The following ENPP2 variants were observed in gnomAD, a reference collection of about 807,000 sequenced individuals.
ENPP2 encodes the protein ectonucleotide pyrophosphatase/phosphodiesterase 2, also known as autotaxin.
In ENPP2, 51 loss-of-function variants were observed where a neutral mutation model predicts 120.2. That is an observed-to-expected ratio of 0.42 (90% CI 0.34 to 0.54). The LOEUF is 0.54. Among genes scored for constraint, ENPP2 ranks in the 20% least tolerant of loss-of-function variants. ENPP2 has a pLI of 0.04. For missense variants in ENPP2, 920 were observed against 1,066.5 expected (o/e 0.86, Z 1.91); for synonymous variants, 365 against 366.4 (o/e 1.00, Z 0.04).
chr8:119,612,442 T>C (rs1815175288), intron 8 of ENPP2, among the ~76,000 whole-genome samples: 1 of 152,220 alleles, frequency 6.6e-6, no homozygotes, highest in Non-Finnish European at 1.5e-5. Context: ...CCCTATTCTG[T>C]GTCATTCTTC....
chr8:119,600,035 T>C (rs980420913), intron 11 of ENPP2, among the ~76,000 whole-genome samples: 2 of 150,682 alleles, frequency 1.3e-5, no homozygotes, highest in African/African-American at 4.9e-5. Context: ...AAAGTCAGCC[T>C]GCTCTGCTAA....
chr8:119,568,174 C>T lies in ENPP2; in HGVS notation c.2131+1G>A, dbSNP rs988184026. 7 of 1,518,872 alleles carry T rather than the reference C, an allele frequency of 4.6e-6. No individual in the cohort carries two copies. The highest frequency in any genetic ancestry group is 3.4e-5 in the Admixed American group (2 of 58,784). The allele number at this position is 1,518,872 out of a possible 1,614,324, so 94.1% of individuals were successfully genotyped here. On this transcript the variant is annotated splice_donor_variant, in intron 22 of 24. Transcript: ENST00000075322. LOFTEE classifies it high-confidence loss of function. ...GTGTATTAGGTAAATATTGGACTTA[C>T]GTTTGAAAGCAGGATACATTGGAAC...
chr8:119,645,404 C>T (rs1490787604), intron 1 of ENPP2, among the ~76,000 whole-genome samples: 1 of 152,194 alleles, frequency 6.6e-6, no homozygotes, highest in Admixed American at 6.5e-5. Context: ...ACCATATCTA[C>T]AGATTCTAGT....
intron 3 of ENPP2, among the ~76,000 whole-genome samples, chr8:119,622,360 G>A (rs1326337237): frequency 6.6e-6 from 1 of 152,214 alleles, no homozygotes; most frequent in African/African-American, 2.4e-5. Context: ...GCATTACAAT[G>A]TTTGCTCAAG....
intron 7 of ENPP2, 63 bp downstream of exon 7, chr8:119,617,101 C>CT: frequency 1.9e-6 from 2 of 1,056,710 alleles, no homozygotes; most frequent in Middle Eastern, 2.0e-4. Context: ...AAAGTCTCTC[C>CT]TTTAAAGTCA....
chr8:119,654,067 A>G (rs910412639), intron 1 of ENPP2, among the ~76,000 whole-genome samples: 24 of 145,154 alleles, frequency 1.7e-4, no homozygotes, highest in African/African-American at 6.0e-4. Context: ...GACATATTAT[A>G]TATTATATTA....
chr8:119,579,023 G>C (rs1476704572), intron 19 of ENPP2, among the ~76,000 whole-genome samples: 1 of 152,170 alleles, frequency 6.6e-6, no homozygotes, highest in Non-Finnish European at 1.5e-5. Flanking sequence ...GTGCATCTTT[G>C]CTGCATGACT....
Position 119,616,384 on chromosome 8 carries a change from C to G in ENPP2, c.658G>C (p.Gly220Arg). ...ATTCCATGTGATTCTGGATATAGCC[C>G]CTTTTTGTAAAAGCAAATTTATTGT... ...TFPNLYTLAT[G>R]LYPESHGIVG... Residue 220 changes from glycine to arginine, a missense_variant and splice_region_variant, in exon 8 of 25, where the codon GGG (glycine) becomes CGG (arginine). Gly to Arg is a moderately radical substitution (Grantham distance 125). Transcript: ENST00000075322. 6.3e-7 allele frequency: 1 copy of G among 1,587,548 alleles called. No homozygotes were observed. The highest frequency in any genetic ancestry group is 8.6e-7 in the Non-Finnish European group (1 of 1,161,302).
chr8:119,602,187 G>C lies in ENPP2; in HGVS notation c.834-725C>G, dbSNP rs180736772. Among the ~76,000 whole-genome samples the C allele has an allele frequency of 2.6e-5, 4 of 152,286 alleles. No homozygotes were observed. In the East Asian group the frequency reaches 7.7e-4, roughly 29 times the overall value. ...ATCTACCAAGAATAGGCCAGGTGCA[G>C]TGGCTCATGCCTATAATCCCAGCAT... On this transcript the variant is annotated intron_variant, in intron 9 of 24. Transcript: ENST00000075322.
intron 2 of ENPP2, among the ~76,000 whole-genome samples, chr8:119,630,268 C>A (rs2130797481): frequency 6.6e-6 from 1 of 152,180 alleles, no homozygotes; most frequent in Admixed American, 6.5e-5. Flanking sequence ...ACCACCATGT[C>A]CAGCAATTTT....
At chr8:119,641,478 G>C (rs956297192), upstream of ENPP2, among the ~76,000 whole-genome samples, 2 of 152,224 alleles carry the variant, frequency 1.3e-5, no homozygotes, top group Non-Finnish European at 2.9e-5. Context: ...CATGTGGCTG[G>C]CTCAGTAAAC....
At chr8:119,609,867 C>A (rs1188935309) in intron 8 of ENPP2, among the ~76,000 whole-genome samples, 1 of 152,076 alleles carries the variant, frequency 6.6e-6, no homozygotes, top group East Asian at 1.9e-4. Flanking sequence ...TAAAGGAAAA[C>A]ACACTTTTAA....
intron 2 of ENPP2, among the ~76,000 whole-genome samples, chr8:119,634,196 ATAC>A (rs1439066557): frequency 6.2e-5 from 5 of 80,128 alleles, no homozygotes; most frequent in South Asian, 4.9e-4. Flanking sequence ...AAATAAATAC[ATAC>A]ATACATACAT....
intron 1 of ENPP2, among the ~76,000 whole-genome samples, chr8:119,650,963 A>T (rs1817610037): frequency 1.3e-5 from 2 of 151,418 alleles, no homozygotes; most frequent in Non-Finnish European, 2.9e-5. Flanking sequence ...TCATTTGGAG[A>T]ATACTTCTTT....
chr8:119,589,549 G>T (rs1444427506), intron 13 of ENPP2, among the ~76,000 whole-genome samples: 1 of 152,120 alleles, frequency 6.6e-6, no homozygotes, highest in African/African-American at 2.4e-5. Context: ...CATAGTGACT[G>T]CATCCAGTCT....
chr8:119,624,142 A>T (rs1288437137), intron 3 of ENPP2, among the ~76,000 whole-genome samples: 3 of 152,180 alleles, frequency 2.0e-5, no homozygotes. Context: ...TCACATCTAC[A>T]TTACTTACAA....
At chr8:119,568,867 G>A (rs751223280) in intron 21 of ENPP2, among the ~76,000 whole-genome samples, 3 of 152,146 alleles carry the variant, frequency 2.0e-5, no homozygotes, top group Non-Finnish European at 4.4e-5. Context: ...CCAAAGTGCT[G>A]GAATTACTTT....
chr8:119,635,255 A>T (rs1466967443), intron 2 of ENPP2, among the ~76,000 whole-genome samples: 2 of 152,238 alleles, frequency 1.3e-5, no homozygotes, highest in Non-Finnish European at 2.9e-5. Flanking sequence ...ATATGAACCT[A>T]TGAATTTCAT....
intron 19 of ENPP2, chr8:119,572,476 C>T (rs1267094701): frequency 2.0e-6 from 1 of 507,072 alleles, no homozygotes; most frequent in African/African-American, 1.9e-5. Flanking sequence ...CTAACTCTGG[C>T]TCTTCCTCTA....
Sources: allele counts gnomAD v4.1 joint callset (sites outside exome capture counted in the v4.1 genomes callset), GRCh38; gene constraint gnomAD v4.1.1; transcripts MANE v1.5; gene names NCBI Gene and HGNC (gene_info 2026-07-23, HGNC 2026-07-21).